ART3: variants seen among roughly 807,000 people sequenced by gnomAD.
ART3 encodes ADP-ribosyltransferase 3 (inactive).
ART3 carries 49 observed loss-of-function variants against 48.5 expected under a neutral mutation model. The ratio of observed to expected loss-of-function variants is 1.01; its 90% CI spans 0.80 to 1.28. The LOEUF is 1.28. Ranked by LOEUF, ART3 falls within the 50% of genes most tolerant of loss-of-function variation. ART3 has a pLI of 0.00. For missense variants in ART3, 438 were observed against 454.3 expected, an observed-to-expected ratio of 0.96 and a Z score of 0.33; for synonymous variants, 145 against 157.2, an observed-to-expected ratio of 0.92 and a Z score of 0.58.
intron 1 of ART3, among the ~76,000 whole-genome samples, chr4:76,030,303 G>A (rs1394939126): frequency 1.3e-5 from 2 of 152,096 alleles, no homozygotes; most frequent in East Asian, 1.9e-4. Context: ...TGATCCACCC[G>A]CCTCGGCCTC....
intron 1 of ART3, among the ~76,000 whole-genome samples, chr4:76,020,426 T>C (rs1464658847): frequency 6.6e-6 from 1 of 152,190 alleles, no homozygotes; most frequent in Non-Finnish European, 1.5e-5. Flanking sequence ...TCTATGGGAA[T>C]TCTTTACATA....
At chr4:76,069,297 C>T (rs115559776) in intron 1 of ART3, among the ~76,000 whole-genome samples, 1,682 of 141,424 alleles carry the variant, frequency 0.012, 11 homozygotes, top group Non-Finnish European at 0.017. Flanking sequence ...CATTATACGT[C>T]CAGCCCTAAA....
chr4:76,089,688 A>G (rs1452004627), intron 3 of ART3, among the ~76,000 whole-genome samples: 3 of 151,420 alleles, frequency 2.0e-5, no homozygotes, highest in Non-Finnish European at 4.4e-5. Flanking sequence ...TTGTAACATG[A>G]TATAACCTGT....
chr4:76,013,654 CTT>C (rs1381777078), intron 1 of ART3, among the ~76,000 whole-genome samples: 3 of 152,148 alleles, frequency 2.0e-5, no homozygotes, highest in East Asian at 1.9e-4. Flanking sequence ...ATTTTACTCT[CTT>C]GGGGTATTTC....
At chr4:76,049,844 C>T (rs1490679970) in intron 1 of ART3, among the ~76,000 whole-genome samples, 5 of 151,942 alleles carry the variant, frequency 3.3e-5, no homozygotes, top group Admixed American at 6.6e-5. Context: ...AATGAAGCCG[C>T]GGACCCTCAC....
rs11422213 is a variant in ART3, at chr4:76,039,103, CT to C, written c.-10+27797del. Reference sequence around the variant, plus strand: ...CTATAGACTGGGGATAATAATAGTACTTTTTTTTTTTTTTGAGATGGAGTCT... The same window carrying C: ...CTATAGACTGGGGATAATAATAGTACTTTTTTTTTTTTTGAGATGGAGTCT... On this transcript the variant is annotated intron_variant, in intron 1 of 9. Coordinates refer to the ART3 transcript ENST00000341029. 5.1e-3 allele frequency among the ~76,000 whole-genome samples: 719 copies of C among 142,190 alleles called. 4 individuals carry two copies. The highest frequency in any genetic ancestry group is 0.014 in the Middle Eastern group (4 of 280). The allele number at this position is 142,190 out of a possible 152,430, so 93.3% of individuals were successfully genotyped here. A position where few individuals can be genotyped will look rare whatever the true frequency, so the allele number is the denominator to read the frequency against.
At chr4:76,045,564 A>T (rs1664560240) in intron 1 of ART3, among the ~76,000 whole-genome samples, 1 of 152,012 alleles carries the variant, frequency 6.6e-6, no homozygotes, top group South Asian at 2.1e-4. Flanking sequence ...TAGGTATGCC[A>T]CTGGTTGTGG....
chr4:76,016,813 C>T (rs887531487), intron 1 of ART3, among the ~76,000 whole-genome samples: 2 of 152,216 alleles, frequency 1.3e-5, no homozygotes, highest in Non-Finnish European at 2.9e-5. Context: ...ATTCCTCCCT[C>T]CCCTTTCCAG....
At chr4:76,032,197 C>T (rs1733930035) in intron 1 of ART3, among the ~76,000 whole-genome samples, 2 of 151,024 alleles carry the variant, frequency 1.3e-5, no homozygotes, top group Non-Finnish European at 2.9e-5. Flanking sequence ...ACCAATTTAT[C>T]ATGCAGCCTT....
chr4:76,028,654 C>A (rs1473032875), intron 1 of ART3, among the ~76,000 whole-genome samples: 1 of 152,218 alleles, frequency 6.6e-6, no homozygotes, highest in African/African-American at 2.4e-5. Flanking sequence ...GAGAGCAGGG[C>A]AAAGCTTCCC....
intron 1 of ART3, among the ~76,000 whole-genome samples, chr4:76,024,942 G>C (rs902342734): frequency 6.6e-6 from 1 of 152,180 alleles, no homozygotes; most frequent in Non-Finnish European, 1.5e-5. Context: ...TCAAATGTAG[G>C]AACTCCATCA....
chr4:76,035,317 G>C (rs1322073769), intron 1 of ART3: 1 of 1,614,024 alleles, frequency 6.2e-7, no homozygotes, highest in Non-Finnish European at 8.5e-7. Flanking sequence ...TGCAAAGACA[G>C]CGTCCTCTTT....
In ART3 at chr4:76,035,407, CTGG is replaced by C. The variant is rs1474726377; in HGVS notation, c.-10+24093_-10+24095del. 26 of 1,550,732 alleles carry C rather than the reference CTGG, an allele frequency of 1.7e-5. No individual in the cohort carries two copies. The Admixed American group carries it at 4.9e-4, about 29-fold the overall frequency. On this transcript the variant is annotated intron_variant, in intron 1 of 9. Coordinates refer to the ART3 transcript ENST00000341029. ...TGCAACAGATGGCTGTGGTTTATAG[CTGG>C]TGGTGAACGTGAGCAGAATTTTCAT...
chr4:76,048,618 G>A (rs1441430782), intron 1 of ART3, among the ~76,000 whole-genome samples: 4 of 151,986 alleles, frequency 2.6e-5, no homozygotes, highest in Middle Eastern at 3.4e-3. Flanking sequence ...CCAAGAACCC[G>A]CAACAGTCTC....
chr4:76,022,442 T>C lies in ART3; in HGVS notation c.-10+11122T>C, dbSNP rs367836661. The C allele has an allele frequency of 2.4e-5, 39 of 1,613,104 alleles. No individual in the cohort carries two copies. In the African/African-American group the frequency reaches 4.8e-4, roughly 20 times the overall value. On this transcript the variant is annotated intron_variant, in intron 1 of 9. Transcript: ENST00000341029. ...TTCAGACATCTCTTCTCACCCTTCT[T>C]TTTCATTGTAGCACTGTAGAAATAA...
chr4:76,091,124 A>G (rs1391628303), intron 3 of ART3, among the ~76,000 whole-genome samples: 12 of 152,250 alleles, frequency 7.9e-5, no homozygotes. Flanking sequence ...GATATAACAC[A>G]GTTTACTTGT....
At chr4:76,061,530 A>T (rs73825726) in intron 1 of ART3, among the ~76,000 whole-genome samples, 3,843 of 152,248 alleles carry the variant, frequency 0.025, 149 homozygotes, top group African/African-American at 0.085. Flanking sequence ...GACCTTTTCA[A>T]TCAGATTATG....
chr4:76,106,248 C>T (rs1041060928), intron 10 of ART3: 5 of 985,220 alleles, frequency 5.1e-6, no homozygotes, highest in Non-Finnish European at 6.0e-6. Context: ...ATCCTGGGCA[C>T]CTAGAATTGG....
chr4:76,088,583 T>C (rs1724134244), intron 3 of ART3, among the ~76,000 whole-genome samples: 1 of 152,206 alleles, frequency 6.6e-6, no homozygotes, highest in Admixed American at 6.5e-5. Context: ...AAATGTTAAG[T>C]ATCTCCATTG....
Sources: gnomAD v4.1 joint callset for allele counts (sites outside exome capture counted in the v4.1 genomes callset) on GRCh38, gnomAD v4.1.1 for gene constraint, MANE v1.5 for transcripts, NCBI Gene and HGNC (gene_info 2026-07-23, HGNC 2026-07-21) for gene names.